Variants in FAM135B observed in about 807,000 individuals in gnomAD.
FAM135B encodes protein FAM135B.
In FAM135B, 43 loss-of-function variants were observed where a neutral mutation model predicts 127.7. The ratio of observed to expected loss-of-function variants is 0.34; its 90% CI spans 0.26 to 0.43. The LOEUF is 0.43. Among genes scored for constraint, FAM135B ranks in the 20% least tolerant of loss-of-function variants. The probability of loss-of-function intolerance (pLI) is 1.00; values close to 1 mark genes in which losing one functional copy is unlikely to be tolerated. For synonymous variants in FAM135B, 670 were observed against 665.1 expected (o/e 1.01, Z -0.11); for missense variants, 1,558 against 1,725.6 (o/e 0.90, Z 1.72).
At chr8:138,181,674 C>G (rs1297729281) in intron 9 of FAM135B, among the ~76,000 whole-genome samples, 1 of 147,198 alleles carries the variant, frequency 6.8e-6, no homozygotes, top group Non-Finnish European at 1.5e-5. Flanking sequence ...ATTTCAGAAG[C>G]CAATTTTGTG....
At chr8:138,296,059 A>G (rs1034001007) in intron 3 of FAM135B, among the ~76,000 whole-genome samples, 6 of 152,206 alleles carry the variant, frequency 3.9e-5, no homozygotes, top group Admixed American at 1.3e-4. Flanking sequence ...TTTGCTGCTA[A>G]TGAATGCTTT....
chr8:138,312,138 G>C (rs1331364418), intron 2 of FAM135B, among the ~76,000 whole-genome samples: 1 of 151,948 alleles, frequency 6.6e-6, no homozygotes, highest in Non-Finnish European at 1.5e-5. Flanking sequence ...GTAGAGACGG[G>C]GTTTCACCAT....
chr8:138,422,273 G>A (rs1834556736), intron 1 of FAM135B, among the ~76,000 whole-genome samples: 1 of 152,044 alleles, frequency 6.6e-6, no homozygotes, highest in Non-Finnish European at 1.5e-5. Flanking sequence ...AGGCAAGTGG[G>A]ACCTCACTAA....
At chr8:138,239,794 A>T (rs1820589135) in intron 7 of FAM135B, among the ~76,000 whole-genome samples, 1 of 152,236 alleles carries the variant, frequency 6.6e-6, no homozygotes, top group Non-Finnish European at 1.5e-5. Flanking sequence ...TGTGGAACAC[A>T]TACACCATGG....
intron 7 of FAM135B, among the ~76,000 whole-genome samples, chr8:138,212,149 T>C (rs1040487562): frequency 6.6e-6 from 1 of 152,190 alleles, no homozygotes; most frequent in African/African-American, 2.4e-5. Context: ...GCAGATAATG[T>C]AACCATGGTG....
chr8:138,243,845 TTC>T lies in FAM135B; in HGVS notation c.543-779_543-778del, dbSNP rs1821063478. ...ATACTCATATTCTTTTTTAGATCTC[TTC>T]TGTTTCATTTCTTTTCTAATGGATG... On this transcript the variant is annotated intron_variant, in intron 6 of 19. Coordinates refer to ENST00000395297, the MANE Select transcript of FAM135B (RefSeq NM_015912.4). The surrounding 1 kb of genome is among the most constrained non-coding windows in gnomAD (Gnocchi z 7.5). Among the ~76,000 whole-genome samples, 1 of 152,212 alleles carries T rather than the reference TTC, an allele frequency of 6.6e-6. No individual in the cohort carries two copies. Among genetic ancestry groups the T allele is most frequent in the South Asian group, 2.1e-4 (1 of 4,832 alleles).
chr8:138,421,228 G>T (rs1331946019), intron 1 of FAM135B, among the ~76,000 whole-genome samples: 1 of 152,118 alleles, frequency 6.6e-6, no homozygotes, highest in Non-Finnish European at 1.5e-5. Flanking sequence ...CAGGAGAATG[G>T]CATGAACTGG....
At chr8:138,464,339 C>A (rs1466792064) in intron 1 of FAM135B, among the ~76,000 whole-genome samples, 1 of 152,128 alleles carries the variant, frequency 6.6e-6, no homozygotes, top group African/African-American at 2.4e-5. Context: ...TAGGGTGGGG[C>A]TTACCAAATA....
chr8:138,261,229 T>C (rs774610963), intron 4 of FAM135B, among the ~76,000 whole-genome samples: 1 of 152,176 alleles, frequency 6.6e-6, no homozygotes, highest in Non-Finnish European at 1.5e-5. Flanking sequence ...CTGCATTTTG[T>C]ATGAGTACTG....
chr8:138,309,965 G>GT (rs1239008991), intron 3 of FAM135B, among the ~76,000 whole-genome samples: 4 of 147,716 alleles, frequency 2.7e-5, no homozygotes, highest in African/African-American at 1.0e-4. Context: ...CACCTCCCAG[G>GT]TTTAAGTGAT....
At chr8:138,222,505 G>A (rs1376806835) in intron 7 of FAM135B, among the ~76,000 whole-genome samples, 1 of 152,008 alleles carries the variant, frequency 6.6e-6, no homozygotes, top group African/African-American at 2.4e-5. Context: ...ATAGCAGGGT[G>A]GCCCAAAGTT....
intron 2 of FAM135B, among the ~76,000 whole-genome samples, chr8:138,340,006 G>A (rs1267051198): frequency 1.7e-4 from 26 of 152,296 alleles, no homozygotes; most frequent in African/African-American, 6.3e-4. Context: ...TGGACGCCAG[G>A]CCTGGTTCAT....
intron 11 of FAM135B, 87 bp downstream of exon 11, chr8:138,177,260 T>A (rs932260947): frequency 1.6e-6 from 2 of 1,272,562 alleles, no homozygotes. Context: ...CTCCTTCACT[T>A]CCAGTGAGAA....
At chr8:138,280,790 G>A (rs1824206339) in intron 3 of FAM135B, among the ~76,000 whole-genome samples, 1 of 152,178 alleles carries the variant, frequency 6.6e-6, no homozygotes. Context: ...AGAGCACTAG[G>A]AGTATTTTCC....
chr8:138,239,915 C>G (rs567607071), intron 7 of FAM135B, among the ~76,000 whole-genome samples: 3 of 150,514 alleles, frequency 2.0e-5, no homozygotes, highest in Non-Finnish European at 4.4e-5. Flanking sequence ...AACCAAACAC[C>G]GCATGTTCTC....
At chr8:138,183,523 C>T (rs781035663) in intron 9 of FAM135B, among the ~76,000 whole-genome samples, 10 of 152,214 alleles carry the variant, frequency 6.6e-5, no homozygotes, top group Non-Finnish European at 1.3e-4. Context: ...TTGCAGACGA[C>T]AGGAGGAATC....
At chr8:138,289,543 C>T (rs966320444) in intron 3 of FAM135B, among the ~76,000 whole-genome samples, 11 of 152,202 alleles carry the variant, frequency 7.2e-5, no homozygotes, top group African/African-American at 9.7e-5. Flanking sequence ...ACCCGCTTAG[C>T]GCAAGGAGGA....
At chr8:138,421,159 A>C (rs1321742251) in intron 1 of FAM135B, among the ~76,000 whole-genome samples, 1 of 152,116 alleles carries the variant, frequency 6.6e-6, no homozygotes, top group Admixed American at 6.5e-5. Flanking sequence ...AAAATACAAA[A>C]AAAATTAGCC....
chr8:138,262,194 T>C (rs1284787979), intron 4 of FAM135B, among the ~76,000 whole-genome samples: 1 of 152,164 alleles, frequency 6.6e-6, no homozygotes, highest in Admixed American at 6.5e-5. Flanking sequence ...GGTTGAGGGT[T>C]GGGAAGGTCA....
Sources: gnomAD v4.1 joint callset for allele counts (sites outside exome capture counted in the v4.1 genomes callset) on GRCh38, gnomAD v4.1.1 for gene constraint, Gnocchi (gnomAD v3.1) non-coding constraint, MANE v1.5 for transcripts, NCBI Gene and HGNC (gene_info 2026-07-23, HGNC 2026-07-21) for gene names.